LPAR1: variants seen among roughly 807,000 people sequenced by gnomAD.
The protein encoded by LPAR1 is LPA receptor 1.
In LPAR1, 5 loss-of-function variants were observed where a neutral mutation model predicts 23.8. That is an observed-to-expected ratio of 0.21 (90% confidence interval 0.11 to 0.44). The LOEUF (loss-of-function observed/expected upper bound fraction) is 0.44, where lower values mean the gene tolerates loss of function less well. LPAR1 is among the 20% of genes least tolerant of loss of function. The pLI is 0.99. For synonymous variants in LPAR1, 160 were observed against 164.7 expected (o/e 0.97, Z 0.22); for missense variants, 311 against 482.8 (o/e 0.64, Z 3.33).
intron 5 of LPAR1, among the ~76,000 whole-genome samples, chr9:110,900,116 A>T (rs1453660257): frequency 6.6e-6 from 1 of 152,156 alleles, no homozygotes; most frequent in African/African-American, 2.4e-5. Flanking sequence ...GAATAATCCA[A>T]ATTTATTATC....
At chr9:111,000,317 TG>T (rs2097104840) in intron 2 of LPAR1, among the ~76,000 whole-genome samples, 2 of 152,230 alleles carry the variant, frequency 1.3e-5, no homozygotes, top group South Asian at 4.1e-4. Context: ...AATTCTAACA[TG>T]AAAAATTTCC....
intron 2 of LPAR1, among the ~76,000 whole-genome samples, chr9:111,023,630 A>T (rs2097612171): frequency 6.6e-6 from 1 of 152,172 alleles, no homozygotes; most frequent in Non-Finnish European, 1.5e-5. Context: ...AATAACCGAT[A>T]CTGTATTTAA....
intron 5 of LPAR1, among the ~76,000 whole-genome samples, chr9:110,904,042 T>C (rs1219834120): frequency 6.6e-6 from 1 of 152,116 alleles, no homozygotes; most frequent in Non-Finnish European, 1.5e-5. Flanking sequence ...CAAAGAATTG[T>C]CATCTTCAAA....
chr9:110,894,749 C>T (rs2085712109), intron 5 of LPAR1, among the ~76,000 whole-genome samples: 1 of 152,252 alleles, frequency 6.6e-6, no homozygotes, highest in Non-Finnish European at 1.5e-5. Context: ...GGTGCAGTGG[C>T]TCACACCTAT....
intron 5 of LPAR1, among the ~76,000 whole-genome samples, chr9:110,897,082 C>G (rs2086665849): frequency 6.6e-6 from 1 of 152,146 alleles, no homozygotes; most frequent in African/African-American, 2.4e-5. Context: ...TTAGTGAACT[C>G]TTTAATCAGA....
chr9:110,942,921 A>G (rs1410512714), intron 4 of LPAR1, among the ~76,000 whole-genome samples: 1 of 152,082 alleles, frequency 6.6e-6, no homozygotes, highest in Non-Finnish European at 1.5e-5. Flanking sequence ...GATTAGATGC[A>G]GCATATTTTT....
At chr9:110,977,859 GGAAGGAAGGAA>G (rs2096590461) in intron 2 of LPAR1, among the ~76,000 whole-genome samples, 1 of 111,590 alleles carries the variant, frequency 9.0e-6, no homozygotes, top group African/African-American at 3.8e-5. Flanking sequence ...AAGGAAGGAA[GGAAGGAAGGAA>G]GGAAGGAAGG....
At chr9:111,023,192 GA>G (rs1191358522) in intron 2 of LPAR1, among the ~76,000 whole-genome samples, 2 of 151,080 alleles carry the variant, frequency 1.3e-5, no homozygotes, top group African/African-American at 2.4e-5. Flanking sequence ...TGTCAAGTAA[GA>G]AAAAAAAGCC....
Position 110,892,869 on chromosome 9 carries a change from G to GCAGGCAGGCAGGCAGGCAGGCACA in LPAR1, c.794-17148_794-17147insTGTGCCTGCCTGCCTGCCTGCCTG. On this transcript the variant is annotated intron_variant, in intron 5 of 5. Transcript: ENST00000683809. ...GGCAGGCAGGCAGGCAGGCAGGCAT[G>GCAGGCAGGCAGGCAGGCAGGCACA]CAGGCAGGCAGGCTCAAAAACACTC... Among the ~76,000 whole-genome samples, 2 of 102,470 alleles carry GCAGGCAGGCAGGCAGGCAGGCACA rather than the reference G, an allele frequency of 2.0e-5. 1 individual carries two copies. Among genetic ancestry groups the GCAGGCAGGCAGGCAGGCAGGCACA allele is most frequent in the South Asian group, 6.9e-4 (2 of 2,886 alleles). 67.2% of individuals were successfully genotyped at this position (102,470 alleles called of 152,430 possible).
intron 5 of LPAR1, among the ~76,000 whole-genome samples, chr9:110,904,272 G>A (rs1465755817): frequency 6.6e-6 from 1 of 152,076 alleles, no homozygotes; most frequent in Non-Finnish European, 1.5e-5. Flanking sequence ...CTCCTCATGA[G>A]TTTCATAAGA....
chr9:110,968,486 G>A (rs893564450), intron 4 of LPAR1, among the ~76,000 whole-genome samples: 2 of 151,864 alleles, frequency 1.3e-5, no homozygotes, highest in African/African-American at 4.8e-5. Flanking sequence ...ATTCACCTAT[G>A]CTTTTTCTTC....
At chr9:110,999,022 C>T (rs1337916980) in intron 2 of LPAR1, among the ~76,000 whole-genome samples, 10 of 152,128 alleles carry the variant, frequency 6.6e-5, no homozygotes, top group Non-Finnish European at 2.9e-5. Flanking sequence ...TCTTAGGAAA[C>T]ATTAAAGTTT....
intron 4 of LPAR1, 22 bp downstream of exon 4, chr9:110,972,051 T>G (rs772779293): frequency 6.2e-7 from 1 of 1,608,278 alleles, no homozygotes; most frequent in South Asian, 1.1e-5. Flanking sequence ...ACCTCAGACC[T>G]CTGCTAGTTT....
At chr9:110,960,152 C>T (rs928772585) in intron 4 of LPAR1, among the ~76,000 whole-genome samples, 2 of 152,028 alleles carry the variant, frequency 1.3e-5, no homozygotes, top group African/African-American at 4.8e-5. Context: ...GAAGAGAGAA[C>T]TTAAAACATT....
intron 4 of LPAR1, among the ~76,000 whole-genome samples, chr9:110,958,981 C>A (rs2137149467): frequency 1.3e-5 from 2 of 150,544 alleles, no homozygotes; most frequent in Non-Finnish European, 3.0e-5. Flanking sequence ...CTTTCCTAAT[C>A]ATCAGGGAAA....
chr9:110,929,566 T>C (rs1263891425), intron 5 of LPAR1, among the ~76,000 whole-genome samples: 1 of 152,036 alleles, frequency 6.6e-6, no homozygotes, highest in Non-Finnish European at 1.5e-5. Context: ...AATGCAGAAA[T>C]AGTAAATAAG....
chr9:110,934,248 A>C (rs2094556451), intron 5 of LPAR1, among the ~76,000 whole-genome samples: 2 of 152,206 alleles, frequency 1.3e-5, no homozygotes, highest in South Asian at 4.1e-4. Flanking sequence ...TGCCCCTAGC[A>C]ACAGGACCAA....
At chr9:111,034,632 T>C (rs1227108994) in intron 2 of LPAR1, among the ~76,000 whole-genome samples, 1 of 152,162 alleles carries the variant, frequency 6.6e-6, no homozygotes, top group African/African-American at 2.4e-5. Context: ...AAACAGGCAA[T>C]AGTGTCTTAA....
chr9:111,007,957 T>C (rs979981650), intron 2 of LPAR1, among the ~76,000 whole-genome samples: 1 of 152,122 alleles, frequency 6.6e-6, no homozygotes, highest in Non-Finnish European at 1.5e-5. Context: ...GCAGATCACC[T>C]GAGGTCAGGA....
Sources: gnomAD v4.1 joint callset for allele counts (sites outside exome capture counted in the v4.1 genomes callset) on GRCh38, gnomAD v4.1.1 for gene constraint, MANE v1.5 for transcripts, NCBI Gene and HGNC (gene_info 2026-07-23, HGNC 2026-07-21) for gene names.